Variants in ZNF804B observed in about 807,000 individuals in gnomAD.
ZNF804B encodes the protein zinc finger 804B.
ZNF804B carries 80 observed loss-of-function variants against 101.4 expected under a neutral mutation model. The observed-to-expected ratio is 0.79, with a 90% CI of 0.66 to 0.95. The LOEUF is 0.95. Among genes scored for constraint, ZNF804B ranks in the 40% least tolerant of loss-of-function variants. ZNF804B has a pLI of 0.00. For missense variants in ZNF804B, 1,673 were observed against 1,561.9 expected, an observed-to-expected ratio of 1.07 and a Z score of -1.20; for synonymous variants, 622 against 558.8, an observed-to-expected ratio of 1.11 and a Z score of -1.59.
At chr7:89,007,445 T>TA (rs1379175740) in intron 1 of ZNF804B, among the ~76,000 whole-genome samples, 5,333 of 85,138 alleles carry the variant, frequency 0.063, 310 homozygotes, top group African/African-American at 0.12. Flanking sequence ...TATCCATGAT[T>TA]TTATATATAT....
chr7:89,084,988 T>C (rs1789767106), intron 1 of ZNF804B, among the ~76,000 whole-genome samples: 1 of 151,900 alleles, frequency 6.6e-6, no homozygotes, highest in Admixed American at 6.6e-5. Flanking sequence ...AAGACAAATA[T>C]GGACTTTGAA....
intron 1 of ZNF804B, among the ~76,000 whole-genome samples, chr7:88,921,572 C>T (rs1253653078): frequency 6.6e-6 from 1 of 152,014 alleles, no homozygotes; most frequent in East Asian, 1.9e-4. Flanking sequence ...AGAAGAAATC[C>T]AGAAATCCTA....
intron 1 of ZNF804B, among the ~76,000 whole-genome samples, chr7:89,022,977 A>T (rs1436208350): frequency 6.6e-6 from 1 of 152,214 alleles, no homozygotes; most frequent in African/African-American, 2.4e-5. Flanking sequence ...TAACTTTCAC[A>T]GGATTTTGTC....
At chr7:88,949,276 C>T (rs1025602251) in intron 1 of ZNF804B, among the ~76,000 whole-genome samples, 1 of 151,814 alleles carries the variant, frequency 6.6e-6, no homozygotes, top group Non-Finnish European at 1.5e-5. Context: ...TATGGGAGGG[C>T]TGCCTGGGAC....
intron 1 of ZNF804B, among the ~76,000 whole-genome samples, chr7:89,079,501 A>G (rs1355204778): frequency 6.6e-6 from 1 of 152,094 alleles, no homozygotes; most frequent in South Asian, 2.1e-4. Flanking sequence ...TGACTTATTT[A>G]CTCAACACCT....
At chr7:88,855,408 A>C (rs1791539049) in intron 1 of ZNF804B, among the ~76,000 whole-genome samples, 1 of 151,654 alleles carries the variant, frequency 6.6e-6, no homozygotes, top group Non-Finnish European at 1.5e-5. Context: ...TCTTCTTTTG[A>C]GAAGTGTCTG....
intron 1 of ZNF804B, among the ~76,000 whole-genome samples, chr7:88,947,804 A>T (rs1184445647): frequency 2.6e-5 from 4 of 151,792 alleles, no homozygotes; most frequent in African/African-American, 9.7e-5. Flanking sequence ...GGTCCCAAGC[A>T]TTTCAGATAA....
chr7:89,017,406 T>A (rs1788585962), intron 1 of ZNF804B, among the ~76,000 whole-genome samples: 2 of 152,198 alleles, frequency 1.3e-5, no homozygotes, highest in Admixed American at 6.5e-5. Context: ...GGCATCCCTG[T>A]CTTGTGCCAG....
intron 1 of ZNF804B, among the ~76,000 whole-genome samples, chr7:89,016,891 G>T (rs1289917450): frequency 6.6e-6 from 1 of 152,200 alleles, no homozygotes; most frequent in Middle Eastern, 3.2e-3. Context: ...TTGGTAGCTT[G>T]ATGGGGATGG....
At chr7:88,817,343 C>T (rs776528688) in intron 1 of ZNF804B, among the ~76,000 whole-genome samples, 11 of 152,000 alleles carry the variant, frequency 7.2e-5, no homozygotes, top group Admixed American at 2.0e-4. Flanking sequence ...AACAAACCTG[C>T]ACCTTGTGCA....
At chr7:88,840,885 A>G (rs77185323) in intron 1 of ZNF804B, among the ~76,000 whole-genome samples, 3,928 of 152,278 alleles carry the variant, frequency 0.026, 130 homozygotes, top group African/African-American at 0.072. Context: ...TTGAGATTAT[A>G]ATGCTTTCAT....
intron 1 of ZNF804B, among the ~76,000 whole-genome samples, chr7:88,986,436 C>T (rs559919594): frequency 5.9e-5 from 9 of 152,200 alleles, no homozygotes; most frequent in Middle Eastern, 3.4e-3. Context: ...GCTTCATGCT[C>T]CTGCCAACAC....
At chr7:88,904,753 A>G (rs1389277951) in intron 1 of ZNF804B, among the ~76,000 whole-genome samples, 1 of 151,984 alleles carries the variant, frequency 6.6e-6, no homozygotes, top group African/African-American at 2.4e-5. Flanking sequence ...CTCAGCCTGG[A>G]TATTATTGGT....
intron 1 of ZNF804B, among the ~76,000 whole-genome samples, chr7:88,774,797 A>G (rs1385142685): frequency 6.6e-6 from 1 of 152,148 alleles, no homozygotes; most frequent in African/African-American, 2.4e-5. Flanking sequence ...AATTGTAGAG[A>G]CCACAAAAAG....
chr7:89,290,102 A>G (rs1456012086), intron 2 of ZNF804B, among the ~76,000 whole-genome samples: 1 of 151,452 alleles, frequency 6.6e-6, no homozygotes, highest in Admixed American at 6.6e-5. Flanking sequence ...ATTTCTAGAC[A>G]TACCCTAGGC....
intron 1 of ZNF804B, among the ~76,000 whole-genome samples, chr7:88,898,233 C>T: frequency 6.6e-6 from 1 of 151,498 alleles, no homozygotes; most frequent in East Asian, 2.0e-4. Context: ...ACTACAGGCG[C>T]CCGCCACCAC....
chr7:88,797,679 A>G (rs1250923713), intron 1 of ZNF804B, among the ~76,000 whole-genome samples: 1 of 152,150 alleles, frequency 6.6e-6, no homozygotes, highest in Non-Finnish European at 1.5e-5. Context: ...TTTTATACAC[A>G]GGTGAGATTC....
intron 1 of ZNF804B, among the ~76,000 whole-genome samples, chr7:88,873,560 A>G (rs1379434847): frequency 1.3e-5 from 2 of 152,142 alleles, no homozygotes; most frequent in Admixed American, 1.3e-4. Flanking sequence ...TATGTCCTGA[A>G]TGGTAATGCC....
chr7:89,024,885 G>T (rs935266008), intron 1 of ZNF804B, among the ~76,000 whole-genome samples: 1 of 151,502 alleles, frequency 6.6e-6, no homozygotes, highest in Non-Finnish European at 1.5e-5. Flanking sequence ...AATTATCCCA[G>T]AATATAAGAA....
Sources: allele counts gnomAD v4.1 joint callset (sites outside exome capture counted in the v4.1 genomes callset), GRCh38; gene constraint gnomAD v4.1.1; transcripts MANE v1.5; gene names NCBI Gene and HGNC (gene_info 2026-07-23, HGNC 2026-07-21).